The following GLYAT variants were observed in gnomAD, a reference collection of about 807,000 sequenced individuals.
GLYAT encodes the protein glycine-N-acyltransferase, also known as glycine N-acyltransferase.
Under a neutral mutation model 22.8 loss-of-function variants are expected in GLYAT, and 25 were observed. That is an observed-to-expected ratio of 1.09 (90% CI 0.80 to 1.53). GLYAT has a LOEUF of 1.53. Ranked by LOEUF, GLYAT falls within the 40% of genes most tolerant of loss-of-function variation. The pLI, the probability that GLYAT is intolerant of heterozygous loss-of-function variation, is 0.00. For synonymous variants in GLYAT, 140 were observed against 122.7 expected, an observed-to-expected ratio of 1.14 and a Z score of -0.93; for missense variants, 411 against 353.9, an observed-to-expected ratio of 1.16 and a Z score of -1.29.
chr11:58,722,429 C>T (rs771635087), intron 2 of GLYAT, among the ~76,000 whole-genome samples: 4 of 151,882 alleles, frequency 2.6e-5, no homozygotes, highest in Non-Finnish European at 5.9e-5. Context: ...TATGAGGCCT[C>T]GATCAATATA....
At chr11:58,721,513 G>C (rs1325576167) in intron 2 of GLYAT, among the ~76,000 whole-genome samples, 1 of 151,782 alleles carries the variant, frequency 6.6e-6, no homozygotes, top group Non-Finnish European at 1.5e-5. Flanking sequence ...AATAGACAAG[G>C]TCTTAGGAGA....
chr11:58,726,825 C>T (rs546485439), intron 1 of GLYAT, among the ~76,000 whole-genome samples: 2 of 152,080 alleles, frequency 1.3e-5, no homozygotes, highest in South Asian at 4.2e-4. Flanking sequence ...CGAGAAAAAC[C>T]TCATGAAAAG....
At chr11:58,724,604 T>G in intron 1 of GLYAT, 93 bp from the exon 2 acceptor site, 1 of 530,808 alleles carries the variant, frequency 1.9e-6, no homozygotes, top group African/African-American at 1.9e-5. Flanking sequence ...GACCAGGTTT[T>G]TTTTTTTTAG....
chr11:58,709,886 A>T lies in GLYAT; in HGVS notation c.771T>A (p.Leu257=). The part of the protein sequence containing the change: ...IYSHAQKLGK[L]GFPVYSHVDY... ...CTACATGAGAATAGACAGGAAACCC[A>T]AGTTTGCCCAATTTCTGGGCGTGGG... Residue 257 remains leucine (L), a synonymous_variant, in exon 6 of 6, where the codon CTT becomes CTA. Transcript: ENST00000344743. 1 of 1,614,142 alleles carries T rather than the reference A, an allele frequency of 6.2e-7. No homozygotes were observed.
chr11:58,728,523 T>A (rs753485782), intron 1 of GLYAT: 2 of 152,080 alleles, frequency 1.3e-5, no homozygotes, highest in Non-Finnish European at 2.9e-5. Flanking sequence ...CAAGATAGGA[T>A]AACAGAACTT....
At chr11:58,731,189 T>A (rs1856867962) in intron 1 of GLYAT, among the ~76,000 whole-genome samples, 1 of 152,204 alleles carries the variant, frequency 6.6e-6, no homozygotes, top group Admixed American at 6.5e-5. Flanking sequence ...TCACTTTCAG[T>A]GCAACAAACT....
chr11:58,728,352 C>A (rs567024593), intron 1 of GLYAT, among the ~76,000 whole-genome samples: 1 of 152,170 alleles, frequency 6.6e-6, no homozygotes, highest in Admixed American at 6.5e-5. Flanking sequence ...TGAGCCACTG[C>A]GCCTGGCTAA....
At chr11:58,719,012 C>T (rs992473668) in intron 2 of GLYAT, among the ~76,000 whole-genome samples, 4 of 151,994 alleles carry the variant, frequency 2.6e-5, no homozygotes, top group Non-Finnish European at 5.9e-5. Context: ...GCAATGCCTT[C>T]TGTATAATTT....
chr11:58,710,039 G>A lies in GLYAT; in HGVS notation c.618C>T (p.Thr206=), dbSNP rs538149430. The A allele has an allele frequency of 5.6e-6, 9 of 1,614,106 alleles. No homozygotes were observed. Among genetic ancestry groups the A allele is most frequent in the Middle Eastern group, 3.3e-4 (2 of 6,060 alleles). The change falls in exon 6 of 6, where the codon ACC becomes ACT. Residue 206 remains threonine, a synonymous_variant. Coordinates refer to ENST00000344743, the MANE Select transcript of GLYAT (RefSeq NM_201648.3). ...TCCCCTCAGGCCCCAGGAGACAGCAGGTGGGAAAGGTCTGAATGCAGCGCT... is the reference window on the plus strand; with the variant it reads ...TCCCCTCAGGCCCCAGGAGACAGCAAGTGGGAAAGGTCTGAATGCAGCGCT... ...FIERCIQTFP[T]CCLLGPEGTP...
intron 2 of GLYAT, among the ~76,000 whole-genome samples, chr11:58,719,210 G>A (rs1856719866): frequency 6.6e-6 from 1 of 152,066 alleles, no homozygotes; most frequent in Admixed American, 6.6e-5. Flanking sequence ...TTTAACTAAA[G>A]TGAAAGTCAA....
Position 58,709,723 on chromosome 11 carries a change from A to G in GLYAT, c.*43T>C. 6.5e-7 allele frequency: 1 copy of G among 1,546,386 alleles called. No homozygotes were observed. Among genetic ancestry groups the G allele is most frequent in the Non-Finnish European group, 8.7e-7 (1 of 1,146,534 alleles). ...ATCCACCATCCACTCCTCAAATTAT[A>G]CGCCCAGACCTGCCCAACACTGTCT... On this transcript the variant is annotated 3_prime_UTR_variant, in exon 6 of 6. Transcript: ENST00000344743.
chr11:58,714,122 G>T (rs1856650184), intron 3 of GLYAT, among the ~76,000 whole-genome samples: 1 of 152,082 alleles, frequency 6.6e-6, no homozygotes, highest in South Asian at 2.1e-4. Flanking sequence ...ACTCATAGAA[G>T]TAGAGAGTAG....
At chr11:58,718,534 C>A (rs1057227066) in intron 2 of GLYAT, among the ~76,000 whole-genome samples, 3 of 151,978 alleles carry the variant, frequency 2.0e-5, no homozygotes, top group African/African-American at 7.2e-5. Flanking sequence ...CAGAAACCTG[C>A]ATTTAAGAGT....
At chr11:58,714,598 T>C (rs1856656655) in intron 3 of GLYAT, among the ~76,000 whole-genome samples, 1 of 152,122 alleles carries the variant, frequency 6.6e-6, no homozygotes, top group South Asian at 2.1e-4. Context: ...AGGGACCAGA[T>C]GGAGACAATT....
Position 58,709,909 on chromosome 11 carries a change from G to C in GLYAT, c.748C>G (p.His250Asp). 6.2e-7 allele frequency: 1 copy of C among 1,614,078 alleles called. No homozygotes were observed. Among genetic ancestry groups the C allele is most frequent in the South Asian group, 1.1e-5 (1 of 91,082 alleles). The part of the protein sequence containing the change: ...HGLVTYVIYS[H>D]AQKLGKLGFP... ...CCAAGTTTGCCCAATTTCTGGGCGT[G>C]GGAATAGATGACATACGTCACAAGG... The change falls in exon 6 of 6, where the codon CAC (histidine) becomes GAC (aspartate). Residue 250 changes from histidine (H) to aspartate (D), a missense_variant. By Grantham distance (81) the His-to-Asp change is moderately conservative. Coordinates refer to ENST00000344743, the MANE Select transcript of GLYAT (RefSeq NM_201648.3).
intron 2 of GLYAT, among the ~76,000 whole-genome samples, chr11:58,720,780 G>A (rs1342726694): frequency 6.6e-6 from 1 of 152,008 alleles, no homozygotes; most frequent in Non-Finnish European, 1.5e-5. Flanking sequence ...TATGTAACCT[G>A]TATGCCAAAC....
chr11:58,720,060 A>G (rs1856729918), intron 2 of GLYAT, among the ~76,000 whole-genome samples: 1 of 151,880 alleles, frequency 6.6e-6, no homozygotes, highest in South Asian at 2.1e-4. Flanking sequence ...AAGCTTTTTT[A>G]CCTAAAAAAA....
chr11:58,723,694 A>G (rs79282336), intron 2 of GLYAT, among the ~76,000 whole-genome samples: 1,668 of 152,144 alleles, frequency 0.011, 27 homozygotes, highest in African/African-American at 0.038. Flanking sequence ...AGCCATATCC[A>G]TTTGGTTGCT....
At chr11:58,721,500 G>A (rs576452908) in intron 2 of GLYAT, among the ~76,000 whole-genome samples, 6 of 151,880 alleles carry the variant, frequency 4.0e-5, no homozygotes, top group East Asian at 3.9e-4. Context: ...ACTTTTGCTC[G>A]AAAATAGACA....
Sources: allele counts gnomAD v4.1 joint callset (sites outside exome capture counted in the v4.1 genomes callset), GRCh38; gene constraint gnomAD v4.1.1; transcripts MANE v1.5; gene names NCBI Gene and HGNC (gene_info 2026-07-23, HGNC 2026-07-21).